The following ADD1 variants were observed in gnomAD, a reference collection of about 807,000 sequenced individuals.
ADD1 encodes the protein adducin 1.
ADD1 carries 24 observed loss-of-function variants against 80.5 expected under a neutral mutation model. The observed-to-expected ratio is 0.30, with a 90% CI of 0.22 to 0.42. The LOEUF is 0.42. Among genes scored for constraint, ADD1 ranks in the 10% least tolerant of loss-of-function variants. ADD1 has a pLI of 1.00. For missense variants in ADD1, 948 were observed against 1,019.0 expected (o/e 0.93, Z 0.95); for synonymous variants, 373 against 393.8 (o/e 0.95, Z 0.63).
At chr4:2,893,390 C>A (rs1220873501) in intron 4 of ADD1, among the ~76,000 whole-genome samples, 1 of 152,032 alleles carries the variant, frequency 6.6e-6, no homozygotes, top group Non-Finnish European at 1.5e-5. Context: ...AAGGCAGATC[C>A]AGTTGAGCCC....
chr4:2,907,791 C>T lies in ADD1; in HGVS notation c.1555C>T (p.Leu519=). 1 of 1,614,090 alleles carries T rather than the reference C, an allele frequency of 6.2e-7. No homozygotes were observed. Among genetic ancestry groups the T allele is most frequent in the South Asian group, 1.1e-5 (1 of 91,074 alleles). The change falls in exon 11 of 16, where the codon CTG becomes TTG. Residue 519 remains leucine, a synonymous_variant. Coordinates refer to ENST00000683351, the MANE Select transcript of ADD1 (RefSeq NM_001354761.2). ...AACTTCCACCTCTGCTGTCCCTAACCTGTTTGTTCCATTGAACACTAACCC... is the reference window on the plus strand; with the variant it reads ...AACTTCCACCTCTGCTGTCCCTAACTTGTTTGTTCCATTGAACACTAACCC... ...HRTSTSAVPN[L]FVPLNTNPKE...
chr4:2,897,042 A>G (rs2109019226), intron 6 of ADD1, among the ~76,000 whole-genome samples: 1 of 152,288 alleles, frequency 6.6e-6, no homozygotes, highest in East Asian at 1.9e-4. Context: ...TATGGGCATG[A>G]GCCACTGTGC....
chr4:2,920,371 C>G (rs1260620233), intron 14 of ADD1, among the ~76,000 whole-genome samples: 3 of 152,146 alleles, frequency 2.0e-5, no homozygotes, highest in African/African-American at 7.2e-5. Flanking sequence ...GAGCTGAGTT[C>G]AAGTCCTGAA....
At chr4:2,859,534 TACTG>T (rs1255245991) in intron 1 of ADD1, among the ~76,000 whole-genome samples, 1 of 152,164 alleles carries the variant, frequency 6.6e-6, no homozygotes, top group Non-Finnish European at 1.5e-5. Flanking sequence ...CATGCTCACA[TACTG>T]AGAGAGATGC....
chr4:2,865,043 A>G (rs1423579384), intron 1 of ADD1, among the ~76,000 whole-genome samples: 2 of 152,174 alleles, frequency 1.3e-5, no homozygotes, highest in African/African-American at 4.8e-5. Context: ...TCCTCCTTAC[A>G]AGTAAATCAC....
At chr4:2,921,110 G>C (rs1215120606) in intron 14 of ADD1, among the ~76,000 whole-genome samples, 2 of 152,122 alleles carry the variant, frequency 1.3e-5, no homozygotes, top group Non-Finnish European at 2.9e-5. Flanking sequence ...AGTTTGGCTG[G>C]ATATGAAATT....
chr4:2,920,099 C>T (rs1739749221), intron 14 of ADD1, among the ~76,000 whole-genome samples: 1 of 152,208 alleles, frequency 6.6e-6, no homozygotes, highest in Non-Finnish European at 1.5e-5. Flanking sequence ...GTTATTTACC[C>T]AGTAGTCATT....
At chr4:2,890,325 T>G (rs1227414015) in intron 4 of ADD1, among the ~76,000 whole-genome samples, 1 of 152,030 alleles carries the variant, frequency 6.6e-6, no homozygotes, top group Admixed American at 6.5e-5. Context: ...TATAAAAATA[T>G]GAAAAGTTAC....
At position 2,866,670 on chromosome 4, in the gene ADD1, C is replaced by G. The variant is rs547065242; in HGVS notation, c.-20-9226C>G. Among the ~76,000 whole-genome samples the G allele has an allele frequency of 2.0e-5, 3 of 152,252 alleles. 1 individual carries two copies. The East Asian group carries it at 5.8e-4, about 29-fold the overall frequency. On this transcript the variant is annotated intron_variant, in intron 1 of 15. Coordinates refer to ENST00000683351, the MANE Select transcript of ADD1 (RefSeq NM_001354761.2). The stretch of plus-strand genomic sequence containing the variant: ...GCCCCAGTATGCCTGCTAGCTCTTC[C>G]CGTGTTTACATTTTGATTTTCTGTG...
At chr4:2,919,128 C>T (rs918282666) in intron 14 of ADD1, among the ~76,000 whole-genome samples, 20 of 152,266 alleles carry the variant, frequency 1.3e-4, no homozygotes, top group African/African-American at 4.1e-4. Flanking sequence ...TGTGAGCCAC[C>T]GCACCTGGTT....
Position 2,881,332 on chromosome 4 carries a change from G to A in ADD1, c.196-566G>A, listed in dbSNP as rs571257251. 1.3e-4 allele frequency among the ~76,000 whole-genome samples: 20 copies of A among 152,060 alleles called. 1 individual carries two copies. In the East Asian group the frequency reaches 2.7e-3, roughly 21 times the overall value. ...GACCTCAGGTGATCCACCTGCCTTC[G>A]CCTCCTAAAGTGCTGGGATTCCAGG... On this transcript the variant is annotated intron_variant, in intron 2 of 15. Transcript: ENST00000683351.
At chr4:2,918,378 T>C (rs966013863) in intron 14 of ADD1, among the ~76,000 whole-genome samples, 2 of 152,254 alleles carry the variant, frequency 1.3e-5, no homozygotes, top group Admixed American at 6.5e-5. Flanking sequence ...CTTGAGACTT[T>C]GCTGAAGTTG....
At chr4:2,876,248 T>A (rs1731275804) in intron 2 of ADD1, 138 bp downstream of exon 2, 1 of 725,372 alleles carries the variant, frequency 1.4e-6, no homozygotes, top group Non-Finnish European at 2.1e-6. Context: ...ACGTATATGG[T>A]TGTTGAAAGA....
chr4:2,868,100 A>G (rs1373774202), intron 1 of ADD1: 1 of 152,272 alleles, frequency 6.6e-6, no homozygotes, highest in Non-Finnish European at 1.5e-5. Context: ...CCGTCAGCCT[A>G]AAGCTGTGAA....
Position 2,926,058 on chromosome 4 carries a change from G to T in ADD1, c.1993G>T (p.Asp665Tyr), listed in dbSNP as rs1225499433. The change falls in exon 15 of 16, where the codon GAC (aspartate) becomes TAC (tyrosine). Residue 665 changes from aspartate (D) to tyrosine (Y), a missense_variant. Transcript: ENST00000683351. The surrounding 1 kb of genome is among the most constrained non-coding windows in gnomAD (Gnocchi z 5.0). ...AGAACAGAAAGAAAAGAGTCCTCCA[G>T]ACCAGCCTGCGGTCCCCCACCCGCC... Reference protein sequence around the residue: ...AREQKEKSPPDQPAVPHPPPS... With the variant: ...AREQKEKSPPYQPAVPHPPPS... The T allele has an allele frequency of 6.2e-7, 1 of 1,614,162 alleles. No individual in the cohort carries two copies. The highest frequency in any genetic ancestry group is 1.1e-5 in the South Asian group (1 of 91,070).
intron 1 of ADD1, among the ~76,000 whole-genome samples, chr4:2,849,255 T>C (rs1172468802): frequency 2.6e-5 from 4 of 152,196 alleles, no homozygotes; most frequent in Admixed American, 2.0e-4. Flanking sequence ...ATTAATATAA[T>C]TATTGTTTTT....
chr4:2,845,313 CG>C (rs1347604527), intron 1 of ADD1, among the ~76,000 whole-genome samples: 2 of 152,144 alleles, frequency 1.3e-5, no homozygotes, highest in African/African-American at 2.4e-5. Flanking sequence ...CCTCGTGATC[CG>C]TCCGCCTAGG....
intron 2 of ADD1, among the ~76,000 whole-genome samples, chr4:2,878,780 G>A (rs558286000): frequency 6.6e-6 from 1 of 152,232 alleles, no homozygotes; most frequent in Admixed American, 6.5e-5. Context: ...TTGAGGTTTT[G>A]CCAGATGGTT....
chr4:2,855,934 C>T (rs561847799), intron 1 of ADD1, among the ~76,000 whole-genome samples: 3 of 151,628 alleles, frequency 2.0e-5, no homozygotes, highest in Non-Finnish European at 4.4e-5. Flanking sequence ...CTCTGGGACT[C>T]GAGATCTGCC....
Sources: gnomAD v4.1 joint callset for allele counts (sites outside exome capture counted in the v4.1 genomes callset) on GRCh38, gnomAD v4.1.1 for gene constraint, Gnocchi (gnomAD v3.1) non-coding constraint, MANE v1.5 for transcripts, NCBI Gene and HGNC (gene_info 2026-07-23, HGNC 2026-07-21) for gene names.